WDR7: variants seen among roughly 807,000 people sequenced by gnomAD.
The protein encoded by WDR7 is WD repeat-containing protein 7.
In WDR7, 46 loss-of-function variants were observed where a neutral mutation model predicts 169.4. The observed-to-expected ratio is 0.27, with a 90% CI of 0.21 to 0.35. The LOEUF (loss-of-function observed/expected upper bound fraction) is 0.35. Among genes scored for constraint, WDR7 ranks in the 10% least tolerant of loss-of-function variants. The pLI, the probability that WDR7 is intolerant of heterozygous loss-of-function variation, is 1.00. For synonymous variants in WDR7, 612 were observed against 666.8 expected, an observed-to-expected ratio of 0.92 and a Z score of 1.27; for missense variants, 1,534 against 1,859.3, an observed-to-expected ratio of 0.83 and a Z score of 3.22.
At chr18:57,032,850 G>T, downstream of WDR7, 1 of 104,126 alleles carries the variant, frequency 9.6e-6, no homozygotes, top group Admixed American at 9.4e-5. Flanking sequence ...TATATACAGT[G>T]TAATAATAGA....
chr18:57,010,427 A>G (rs1398641561), intron 26 of WDR7: 4 of 367,266 alleles, frequency 1.1e-5, no homozygotes, highest in African/African-American at 8.8e-5. Flanking sequence ...CTGTGTAATT[A>G]TATTTTTAAA....
At chr18:56,866,508 C>T (rs541289706) in intron 20 of WDR7, among the ~76,000 whole-genome samples, 64 of 151,804 alleles carry the variant, frequency 4.2e-4, no homozygotes, top group African/African-American at 1.4e-3. Context: ...TAACATATTT[C>T]GAAAGATTTT....
At chr18:56,769,504 A>G (rs2044120180) in intron 16 of WDR7, among the ~76,000 whole-genome samples, 1 of 152,010 alleles carries the variant, frequency 6.6e-6, no homozygotes, top group Non-Finnish European at 1.5e-5. Context: ...TGACTGTTCT[A>G]CGTTCTAATG....
chr18:57,015,645 CAA>C (rs2145926232), intron 26 of WDR7, among the ~76,000 whole-genome samples: 1 of 152,336 alleles, frequency 6.6e-6, no homozygotes, highest in East Asian at 1.9e-4. Flanking sequence ...GAAAGGCATG[CAA>C]ATCAGAGCCT....
chr18:56,916,011 G>C (rs2046618999), intron 21 of WDR7, among the ~76,000 whole-genome samples: 1 of 152,142 alleles, frequency 6.6e-6, no homozygotes, highest in African/African-American at 2.4e-5. Flanking sequence ...GGGTGTACTG[G>C]CGGTTTATGG....
downstream of WDR7, chr18:57,030,705 A>G (rs2145966310): frequency 6.6e-6 from 1 of 152,366 alleles, no homozygotes; most frequent in Admixed American, 6.5e-5. Context: ...TGACAAGGCC[A>G]AGATAATCCA....
rs376549418 is a variant in WDR7, at chr18:56,722,539, C to T, written c.1774+4380C>T. Among the ~76,000 whole-genome samples, 3 of 152,152 alleles carry T rather than the reference C, an allele frequency of 2.0e-5. No homozygotes were observed. In the East Asian group the frequency reaches 5.8e-4, roughly 29 times the overall value. On this transcript the variant is annotated intron_variant, in intron 13 of 27. Transcript: ENST00000254442. Reference sequence around the variant, plus strand: ...AAACATGCTATAGGACAGGGGAAGACACAGAGAATGAATGGGTTAAGAAAA... The same window carrying T: ...AAACATGCTATAGGACAGGGGAAGATACAGAGAATGAATGGGTTAAGAAAA...
chr18:56,669,882 G>A (rs2025096631), intron 1 of WDR7, among the ~76,000 whole-genome samples: 2 of 152,090 alleles, frequency 1.3e-5, no homozygotes, highest in South Asian at 4.1e-4. Flanking sequence ...TGATAATGTT[G>A]GGAACGTTAA....
intron 26 of WDR7, among the ~76,000 whole-genome samples, chr18:57,011,347 T>C (rs929698219): frequency 1.3e-4 from 20 of 152,348 alleles, no homozygotes; most frequent in Admixed American, 3.9e-4. Context: ...AAATGAGCAG[T>C]AAACACTGAA....
At chr18:56,846,968 A>G (rs2045577723) in intron 20 of WDR7, among the ~76,000 whole-genome samples, 2 of 152,240 alleles carry the variant, frequency 1.3e-5, no homozygotes, top group South Asian at 4.1e-4. Flanking sequence ...TGCTTTAAAT[A>G]TACCTGAAGA....
intron 14 of WDR7, chr18:56,753,426 T>A (rs2043825266): frequency 6.6e-6 from 1 of 152,222 alleles, no homozygotes; most frequent in Non-Finnish European, 1.5e-5. Flanking sequence ...GGTCCCTGAT[T>A]TTGAAATGTT....
chr18:57,012,361 C>T (rs968886783), intron 26 of WDR7, among the ~76,000 whole-genome samples: 11 of 152,144 alleles, frequency 7.2e-5, no homozygotes, highest in African/African-American at 2.7e-4. Context: ...ACCAGGACAG[C>T]ACCAGGATAG....
intron 26 of WDR7, among the ~76,000 whole-genome samples, chr18:56,970,881 A>G (rs2047474379): frequency 6.6e-6 from 1 of 152,218 alleles, no homozygotes; most frequent in African/African-American, 2.4e-5. Context: ...AGATTTGTGC[A>G]TTTTATTATC....
At chr18:56,958,312 A>G (rs935181424) in intron 25 of WDR7, among the ~76,000 whole-genome samples, 3 of 152,176 alleles carry the variant, frequency 2.0e-5, no homozygotes, top group African/African-American at 7.2e-5. Flanking sequence ...ACTCCTCCAC[A>G]ATAACGTGTT....
At chr18:56,871,612 A>G (rs1052092915) in intron 20 of WDR7, among the ~76,000 whole-genome samples, 1 of 152,114 alleles carries the variant, frequency 6.6e-6, no homozygotes, top group Admixed American at 6.5e-5. Flanking sequence ...ATTTTTATTT[A>G]TCATGAACCA....
chr18:56,974,456 G>A (rs2047537565), intron 26 of WDR7, among the ~76,000 whole-genome samples: 1 of 146,102 alleles, frequency 6.8e-6, no homozygotes, highest in Non-Finnish European at 1.5e-5. Flanking sequence ...GTGCACTACA[G>A]CCCTGAACTC....
At chr18:57,022,259 C>T (rs1380392209) in intron 27 of WDR7, among the ~76,000 whole-genome samples, 1 of 152,208 alleles carries the variant, frequency 6.6e-6, no homozygotes, top group Admixed American at 6.5e-5. Flanking sequence ...TCGTGTCTAA[C>T]TCAATGGCCT....
intron 16 of WDR7, 148 bp from the exon 17 acceptor site, chr18:56,776,634 C>T (rs1453442776): frequency 3.0e-6 from 2 of 667,018 alleles, no homozygotes; most frequent in Non-Finnish European, 5.4e-6. Flanking sequence ...CTTTAATGAT[C>T]ATGCCTTTCT....
At chr18:56,857,130 C>T (rs1445877499) in intron 20 of WDR7, among the ~76,000 whole-genome samples, 2 of 152,098 alleles carry the variant, frequency 1.3e-5, no homozygotes, top group African/African-American at 4.8e-5. Context: ...ATAAAACATT[C>T]AGAGTAATTA....
Sources: gnomAD v4.1 joint callset for allele counts (sites outside exome capture counted in the v4.1 genomes callset) on GRCh38, gnomAD v4.1.1 for gene constraint, MANE v1.5 for transcripts, NCBI Gene and HGNC (gene_info 2026-07-23, HGNC 2026-07-21) for gene names.